The following PDE1A variants were observed in gnomAD, a reference collection of about 807,000 sequenced individuals.
The protein encoded by PDE1A is phosphodiesterase 1A.
PDE1A carries 35 observed loss-of-function variants against 61.7 expected under a neutral mutation model. The ratio of observed to expected loss-of-function variants is 0.57; its 90% CI spans 0.43 to 0.75. The LOEUF (loss-of-function observed/expected upper bound fraction) is 0.75. PDE1A is among the 30% of genes least tolerant of loss of function. The pLI, the probability that PDE1A is intolerant of heterozygous loss-of-function variation, is 0.00. For synonymous variants in PDE1A, 232 were observed against 213.2 expected (o/e 1.09, Z -0.77); for missense variants, 597 against 630.6 (o/e 0.95, Z 0.57).
intron 2 of PDE1A, among the ~76,000 whole-genome samples, chr2:182,519,127 A>T (rs1485266951): frequency 6.6e-6 from 1 of 152,116 alleles, no homozygotes; most frequent in Non-Finnish European, 1.5e-5. Context: ...TTGAAAGACT[A>T]TCAATAGCTA....
At position 182,174,593 on chromosome 2, in the gene PDE1A, T is replaced by TA. The variant is rs537179557; in HGVS notation, c.1517-6304dup. Among the ~76,000 whole-genome samples the TA allele has an allele frequency of 3.2e-3, 481 of 152,238 alleles. 2 individuals carry two copies. The highest frequency in any genetic ancestry group is 0.011 in the African/African-American group (463 of 41,572). On this transcript the variant is annotated intron_variant, in intron 13 of 13. Transcript: ENST00000351439. Reference sequence around the variant, plus strand: ...GGCAAATTCACTATTCATACTCTGTTACAGTCCTCAAGTTTTTAAGCTGGC... The same window carrying TA: ...GGCAAATTCACTATTCATACTCTGTTAACAGTCCTCAAGTTTTTAAGCTGGC...
intron 1 of PDE1A, among the ~76,000 whole-genome samples, chr2:182,424,118 G>A (rs1703458470): frequency 6.6e-6 from 1 of 151,758 alleles, no homozygotes; most frequent in Non-Finnish European, 1.5e-5. Flanking sequence ...CTAATTTTTT[G>A]TATTTTAGTA....
Position 182,195,333 on chromosome 2 carries a change from A to C in PDE1A, c.1125+6106T>G, listed in dbSNP as rs1046688085. Among the ~76,000 whole-genome samples the C allele has an allele frequency of 1.2e-4, 18 of 151,976 alleles. 1 individual carries two copies. Among genetic ancestry groups the C allele is most frequent in the Middle Eastern group, 3.2e-3 (1 of 316 alleles). On this transcript the variant is annotated intron_variant, in intron 10 of 13. Coordinates refer to ENST00000351439, the Ensembl canonical transcript of PDE1A. ...TTTGTTCTATCACTTTGCTCCTCAC[A>C]ATCATCCTGGGAAGTAGGCAGGATG...
At chr2:182,210,325 T>A (rs1687477738) in intron 7 of PDE1A, among the ~76,000 whole-genome samples, 1 of 152,236 alleles carries the variant, frequency 6.6e-6, no homozygotes, top group African/African-American at 2.4e-5. Flanking sequence ...GTTATGGATT[T>A]TGGCCATTTT....
intron 2 of PDE1A, among the ~76,000 whole-genome samples, chr2:182,502,256 G>C (rs1235757971): frequency 6.6e-6 from 1 of 152,108 alleles, no homozygotes; most frequent in African/African-American, 2.4e-5. Context: ...CCTAGACTTA[G>C]GTGACTGCTG....
At chr2:182,496,524 G>T (rs1207519496) in intron 2 of PDE1A, among the ~76,000 whole-genome samples, 1 of 152,202 alleles carries the variant, frequency 6.6e-6, no homozygotes, top group Non-Finnish European at 1.5e-5. Flanking sequence ...TATTTGGAGA[G>T]ATTTGAAAGC....
At chr2:182,695,681 A>AG in the PDE1A span, among the ~76,000 whole-genome samples, 1 of 95,206 alleles carries the variant, frequency 1.1e-5, no homozygotes, top group African/African-American at 3.4e-5. Flanking sequence ...AAAAAAAAAA[A>AG]AAAAGAAAAA....
chr2:182,642,955 G>A, the PDE1A span, among the ~76,000 whole-genome samples: 1 of 152,168 alleles, frequency 6.6e-6, no homozygotes, highest in Non-Finnish European at 1.5e-5. Context: ...CCCTTAAACT[G>A]AGTGTCAGGG....
chr2:182,334,313 A>C (rs1471564490), intron 1 of PDE1A, among the ~76,000 whole-genome samples: 4 of 151,836 alleles, frequency 2.6e-5, no homozygotes, highest in Non-Finnish European at 5.9e-5. Context: ...CACACCAAAA[A>C]AAAAAGAAAG....
At chr2:182,673,989 CATATATATATATATATAT>C in the PDE1A span, among the ~76,000 whole-genome samples, 1,118 of 135,090 alleles carry the variant, frequency 8.3e-3, 7 homozygotes, top group Admixed American at 0.014. Flanking sequence ...AATATAACTT[CATATATATATATATATAT>C]ATATATATAT....
chr2:182,281,092 A>G (rs930488274), intron 1 of PDE1A, among the ~76,000 whole-genome samples: 1 of 151,998 alleles, frequency 6.6e-6, no homozygotes, highest in Admixed American at 6.6e-5. Context: ...ATTATAACAG[A>G]AAGTCCATTT....
chr2:182,627,070 T>A, the PDE1A span, among the ~76,000 whole-genome samples: 12 of 3,984 alleles, frequency 3.0e-3, 1 homozygote, highest in African/African-American at 8.6e-3. Flanking sequence ...AATATATTAT[T>A]TATATATAAT....
At chr2:182,635,672 CTA>C in the PDE1A span, among the ~76,000 whole-genome samples, 6,149 of 148,632 alleles carry the variant, frequency 0.041, 158 homozygotes, top group Middle Eastern at 0.063. Flanking sequence ...TTAAGAGTAT[CTA>C]TCTCTCTCTC....
chr2:182,398,023 C>T (rs988034532), intron 1 of PDE1A, among the ~76,000 whole-genome samples: 11 of 151,766 alleles, frequency 7.2e-5, no homozygotes, highest in African/African-American at 2.4e-4. Context: ...GGTATTTCAA[C>T]TGTGCTGAGA....
chr2:182,545,979 G>A, the PDE1A span, among the ~76,000 whole-genome samples: 139 of 152,318 alleles, frequency 9.1e-4, no homozygotes, highest in African/African-American at 3.1e-3. Context: ...GAAGCAAGAC[G>A]AAAGTGACCT....
At chr2:182,356,861 A>T (rs535298199) in intron 1 of PDE1A, among the ~76,000 whole-genome samples, 1 of 152,354 alleles carries the variant, frequency 6.6e-6, no homozygotes, top group Admixed American at 6.5e-5. Context: ...GTAAGAAATG[A>T]TGAGTTAATG....
At chr2:182,444,519 G>C (rs529178277) in intron 2 of PDE1A, among the ~76,000 whole-genome samples, 1 of 152,046 alleles carries the variant, frequency 6.6e-6, no homozygotes, top group East Asian at 1.9e-4. Context: ...GTATAAAGTA[G>C]CTTGGCAATT....
chr2:182,428,668 C>A (rs570167733), upstream of PDE1A, among the ~76,000 whole-genome samples: 15 of 152,080 alleles, frequency 9.9e-5, no homozygotes, highest in Middle Eastern at 3.4e-3. Context: ...TAGGAAAGCA[C>A]ATAAGAAATA....
intron 1 of PDE1A, among the ~76,000 whole-genome samples, chr2:182,404,296 A>G (rs568879271): frequency 6.6e-6 from 1 of 152,222 alleles, no homozygotes; most frequent in Non-Finnish European, 1.5e-5. Context: ...CCATAGGCCA[A>G]CTTCTAAGAG....
Sources: allele counts gnomAD v4.1 joint callset (sites outside exome capture counted in the v4.1 genomes callset), GRCh38; gene constraint gnomAD v4.1.1; transcripts MANE v1.5; gene names NCBI Gene and HGNC (gene_info 2026-07-23, HGNC 2026-07-21).